Variants in DKK4 observed in about 807,000 individuals in gnomAD.
DKK4 encodes the protein dickkopf-related protein 4.
A neutral mutation model predicts 14.5 loss-of-function variants in DKK4; 15 were observed. The observed-to-expected ratio is 1.03, with a 90% CI of 0.69 to 1.59. The LOEUF (loss-of-function observed/expected upper bound fraction) is 1.59, where lower values mean the gene tolerates loss of function less well. Among genes scored for constraint, DKK4 ranks in the 40% most tolerant of loss-of-function variants. The pLI, the probability that DKK4 is intolerant of heterozygous loss-of-function variation, is 0.00. For synonymous variants in DKK4, 89 were observed against 105.2 expected, an observed-to-expected ratio of 0.85 and a Z score of 0.94; for missense variants, 272 against 280.3, an observed-to-expected ratio of 0.97 and a Z score of 0.21.
upstream of DKK4, among the ~76,000 whole-genome samples, chr8:42,381,637 A>G (rs1824681748): frequency 6.6e-6 from 1 of 152,068 alleles, no homozygotes; most frequent in South Asian, 2.1e-4. Flanking sequence ...ATCTGTGCAT[A>G]CGCCAGCCTG....
the DKK4 span, among the ~76,000 whole-genome samples, chr8:42,384,999 T>C: frequency 1.3e-5 from 2 of 152,224 alleles, no homozygotes; most frequent in Admixed American, 6.5e-5. Context: ...TGAGACTAAA[T>C]GACTTGTAGG....
At chr8:42,380,820 G>A (rs1824665149), upstream of DKK4, among the ~76,000 whole-genome samples, 3 of 142,670 alleles carry the variant, frequency 2.1e-5, no homozygotes, top group Admixed American at 2.2e-4. Flanking sequence ...AGGAAGGAAG[G>A]AAGGAAGGAA....
At chr8:42,376,024 G>A (rs1430477063) in intron 1 of DKK4, among the ~76,000 whole-genome samples, 194 bp from the exon 2 acceptor site, 1 of 152,180 alleles carries the variant, frequency 6.6e-6, no homozygotes. Flanking sequence ...AGACCTAGGC[G>A]CTGCAAAGGC....
rs370471391 is a variant in DKK4, at chr8:42,374,897, C to T, written c.279G>A (p.Met93Ile). The T allele has an allele frequency of 8.1e-6, 13 of 1,614,154 alleles. No individual in the cohort carries two copies. The highest frequency in any genetic ancestry group is 1.1e-5 in the Non-Finnish European group (13 of 1,180,026). The part of the protein sequence containing the change: ...TLCVNDVCTT[M>I]EDATPILERQ... The stretch of plus-strand genomic sequence containing the variant: ...TTTCTAATATTGGGGTTGCATCTTC[C>T]ATCGTAGTACAAACATCTGAGGGAC... The change falls in exon 3 of 4, where the codon ATG becomes ATA. Residue 93 changes from methionine to isoleucine, a missense_variant. Transcript: ENST00000220812.
intron 2 of DKK4, 61 bp from the exon 3 acceptor site, chr8:42,374,974 C>CT (rs1396278094): frequency 6.4e-7 from 1 of 1,554,852 alleles, no homozygotes; most frequent in African/African-American, 1.4e-5. Context: ...CACAGACACA[C>CT]TAATTATCCT....
At chr8:42,381,198 G>A (rs1342863427), upstream of DKK4, among the ~76,000 whole-genome samples, 2 of 152,052 alleles carry the variant, frequency 1.3e-5, no homozygotes, top group African/African-American at 2.4e-5. Flanking sequence ...TGGGAGTGGG[G>A]AGGGAGGGGA....
the DKK4 span, among the ~76,000 whole-genome samples, chr8:42,383,321 T>TA: frequency 2.6e-5 from 4 of 152,194 alleles, no homozygotes; most frequent in Non-Finnish European, 5.9e-5. Flanking sequence ...TTGCAGACGG[T>TA]ATAGCCTCTG....
Position 42,374,261 on chromosome 8 carries a change from C to T in DKK4, c.514G>A (p.Glu172Lys). The part of the protein sequence containing the change: ...WTKICKPVLL[E>K]GQVCSRRGHK... ...CCTCTTCTGGAGCAGACCTGTCCCT[C>T]CAAAAGGACTGGCTTACAAATTTTC... The change falls in exon 4 of 4, where the codon GAG (glutamate) becomes AAG (lysine). Residue 172 changes from glutamate (E) to lysine (K), a missense_variant. By Grantham distance (56) the Glu-to-Lys change is moderately conservative (BLOSUM62 1). Coordinates refer to ENST00000220812, the MANE Select transcript of DKK4 (RefSeq NM_014420.3). 1.9e-6 allele frequency: 3 copies of T among 1,612,198 alleles called. No homozygotes were observed. Among genetic ancestry groups the T allele is most frequent in the Non-Finnish European group, 2.5e-6 (3 of 1,178,986 alleles).
At chr8:42,378,269 A>G (rs1043632804), upstream of DKK4, among the ~76,000 whole-genome samples, 5 of 152,168 alleles carry the variant, frequency 3.3e-5, no homozygotes, top group African/African-American at 1.2e-4. Context: ...CATTTTTTCT[A>G]TGCCATAAAT....
upstream of DKK4, among the ~76,000 whole-genome samples, chr8:42,377,520 G>C (rs1824587763): frequency 2.0e-5 from 3 of 152,266 alleles, no homozygotes; most frequent in Admixed American, 2.0e-4. Flanking sequence ...CCTACCTTCA[G>C]TAATCCTTTG....
At chr8:42,381,825 C>A (rs1824684765), upstream of DKK4, among the ~76,000 whole-genome samples, 1 of 152,096 alleles carries the variant, frequency 6.6e-6, no homozygotes, top group Non-Finnish European at 1.5e-5. Context: ...TGGTGAAACT[C>A]CATCTCTACT....
chr8:42,374,973 A>C, intron 2 of DKK4, 60 bp from the exon 3 acceptor site: 3 of 1,562,156 alleles, frequency 1.9e-6, no homozygotes, highest in Non-Finnish European at 2.6e-6. Context: ...CCACAGACAC[A>C]CTAATTATCC....
intron 3 of DKK4, among the ~76,000 whole-genome samples, 200 bp downstream of exon 3, chr8:42,374,561 G>A (rs908226111): frequency 5.9e-5 from 9 of 152,142 alleles, no homozygotes; most frequent in African/African-American, 2.2e-4. Context: ...AGAATTGATC[G>A]TTGTTACTGG....
At chr8:42,379,414 G>T (rs941930055), upstream of DKK4, among the ~76,000 whole-genome samples, 11 of 130,246 alleles carry the variant, frequency 8.4e-5, no homozygotes, top group Non-Finnish European at 6.5e-5. Flanking sequence ...GAGAGAGAGA[G>T]AGAGAGAGAG....
chr8:42,376,093 A>G (rs1203433760), intron 1 of DKK4, among the ~76,000 whole-genome samples: 3 of 152,232 alleles, frequency 2.0e-5, no homozygotes, highest in African/African-American at 7.2e-5. Flanking sequence ...CTCTTTGTGA[A>G]AATGGGAAAA....
chr8:42,388,167 A>G, the DKK4 span, among the ~76,000 whole-genome samples: 1 of 152,258 alleles, frequency 6.6e-6, no homozygotes, highest in South Asian at 2.1e-4. Context: ...TCTAATATTC[A>G]TATGTATATG....
chr8:42,381,354 T>C (rs1824676232), upstream of DKK4, among the ~76,000 whole-genome samples: 2 of 152,274 alleles, frequency 1.3e-5, no homozygotes, highest in South Asian at 2.1e-4. Flanking sequence ...CACAATCAAC[T>C]GTTTGCAGGA....
At chr8:42,389,710 AAC>A in the DKK4 span, among the ~76,000 whole-genome samples, 1 of 152,320 alleles carries the variant, frequency 6.6e-6, no homozygotes, top group Admixed American at 6.5e-5. Context: ...TAGTGCAATG[AAC>A]ACACATATAC....
At chr8:42,387,182 T>C in the DKK4 span, among the ~76,000 whole-genome samples, 1 of 151,896 alleles carries the variant, frequency 6.6e-6, no homozygotes, top group East Asian at 1.9e-4. Flanking sequence ...ATTCTGATTC[T>C]ATTGATTTGA....
Sources: gnomAD v4.1 joint callset for allele counts (sites outside exome capture counted in the v4.1 genomes callset) on GRCh38, gnomAD v4.1.1 for gene constraint, MANE v1.5 for transcripts, NCBI Gene and HGNC (gene_info 2026-07-23, HGNC 2026-07-21) for gene names.